The following MARCHF1 variants were observed in gnomAD, a reference collection of about 807,000 sequenced individuals.
MARCHF1 encodes the protein membrane associated ring-CH-type finger 1, also known as E3 ubiquitin-protein ligase MARCHF1.
Under a neutral mutation model 54.2 loss-of-function variants are expected in MARCHF1, and 40 were observed. That is an observed-to-expected ratio of 0.74 (90% CI 0.57 to 0.96). MARCHF1 has a LOEUF of 0.96. MARCHF1 is among the 40% of genes least tolerant of loss of function. The pLI is 0.00. For missense variants in MARCHF1, 586 were observed against 656.5 expected (o/e 0.89, Z 1.17); for synonymous variants, 236 against 236.3 (o/e 1.00, Z 0.01).
chr4:164,094,229 C>A (rs995826536), intron 2 of MARCHF1, among the ~76,000 whole-genome samples: 3 of 152,068 alleles, frequency 2.0e-5, no homozygotes, highest in Non-Finnish European at 4.4e-5. Flanking sequence ...AAACTCTAAT[C>A]CTCTCTCAGT....
intron 4 of MARCHF1, among the ~76,000 whole-genome samples, chr4:163,844,190 C>T (rs1749422510): frequency 6.6e-6 from 1 of 152,050 alleles, no homozygotes; most frequent in Admixed American, 6.6e-5. Context: ...GTGTTCTCAT[C>T]ATTCAGCTCC....
intron 3 of MARCHF1, among the ~76,000 whole-genome samples, chr4:163,954,065 G>T (rs1249429655): frequency 6.6e-6 from 1 of 152,110 alleles, no homozygotes; most frequent in Non-Finnish European, 1.5e-5. Context: ...CTTAACAATA[G>T]GTTGTGTACA....
At chr4:163,695,716 G>A (rs1402135304) in intron 5 of MARCHF1, among the ~76,000 whole-genome samples, 1 of 152,090 alleles carries the variant, frequency 6.6e-6, no homozygotes. Context: ...CTGTTGACTT[G>A]AATTGGAAGT....
At chr4:163,763,748 C>T (rs73870033) in intron 4 of MARCHF1, among the ~76,000 whole-genome samples, 4,364 of 152,150 alleles carry the variant, frequency 0.029, 136 homozygotes, top group African/African-American at 0.075. Flanking sequence ...ACTCTGATAG[C>T]TCTGCTTTCA....
intron 1 of MARCHF1, among the ~76,000 whole-genome samples, chr4:164,241,725 CT>C (rs1024769023): frequency 1.3e-5 from 2 of 152,204 alleles, no homozygotes; most frequent in African/African-American, 4.8e-5. Flanking sequence ...CCGGGTTCAT[CT>C]CCCTAGGGAG....
In MARCHF1 at chr4:163,828,014, T is replaced by TACACACAC. The variant is rs748460236; in HGVS notation, c.111+25999_111+26006dup. Among the ~76,000 whole-genome samples the TACACACAC allele has an allele frequency of 2.0e-3, 246 of 124,558 alleles. 3 individuals are homozygous for TACACACAC. The highest frequency in any genetic ancestry group is 0.014 in the East Asian group (48 of 3,422). The allele number at this position is 124,558 out of a possible 152,430, so 81.7% of individuals were successfully genotyped here. On this transcript the variant is annotated intron_variant, in intron 4 of 9. Coordinates refer to ENST00000514618, the MANE Select transcript of MARCHF1 (RefSeq NM_001394959.1). ...CTCCCTCCAAAAGTGTGCGCAGGCATACACACACACACACACACACACACA... is the reference window on the plus strand; with the variant it reads ...CTCCCTCCAAAAGTGTGCGCAGGCATACACACACACACACACACACACACACACACACA...
intron 3 of MARCHF1, among the ~76,000 whole-genome samples, chr4:163,957,906 T>C (rs1752262470): frequency 6.6e-6 from 1 of 152,066 alleles, no homozygotes; most frequent in Non-Finnish European, 1.5e-5. Context: ...AATTCATGTT[T>C]CTCTAAAGTT....
chr4:164,018,568 C>T (rs1753595182), intron 2 of MARCHF1, among the ~76,000 whole-genome samples: 1 of 151,848 alleles, frequency 6.6e-6, no homozygotes, highest in South Asian at 2.1e-4. Flanking sequence ...GATAAATAAG[C>T]ATATCGAAAA....
intron 2 of MARCHF1, among the ~76,000 whole-genome samples, chr4:164,007,117 C>T (rs1277690208): frequency 2.7e-5 from 4 of 146,100 alleles, no homozygotes; most frequent in South Asian, 2.2e-4. Flanking sequence ...GAGGCCGAGG[C>T]AGGCGGATCA....
chr4:164,061,477 G>A (rs1754613270), intron 2 of MARCHF1, among the ~76,000 whole-genome samples: 1 of 131,688 alleles, frequency 7.6e-6, no homozygotes, highest in Non-Finnish European at 1.5e-5. Context: ...ACATTATACT[G>A]TAATGAGAAC....
chr4:164,187,025 T>TA (rs1331493725), intron 1 of MARCHF1, among the ~76,000 whole-genome samples: 3 of 106,154 alleles, frequency 2.8e-5, no homozygotes, highest in Non-Finnish European at 6.4e-5. Flanking sequence ...GCTGAAGCAA[T>TA]CTTTTTTTTT....
intron 4 of MARCHF1, among the ~76,000 whole-genome samples, chr4:163,846,455 A>G (rs141818731): frequency 2.0e-5 from 3 of 152,066 alleles, no homozygotes; most frequent in Non-Finnish European, 4.4e-5. Flanking sequence ...TTAACCTTGT[A>G]ATAGACTAAA....
At chr4:163,630,368 T>C (rs181392620) in intron 5 of MARCHF1, among the ~76,000 whole-genome samples, 2 of 152,254 alleles carry the variant, frequency 1.3e-5, no homozygotes, top group Non-Finnish European at 1.5e-5. Flanking sequence ...ATTTATGAAA[T>C]TCAAACAATC....
chr4:163,851,117 C>A (rs1749630613), intron 4 of MARCHF1, among the ~76,000 whole-genome samples: 1 of 152,066 alleles, frequency 6.6e-6, no homozygotes, highest in Non-Finnish European at 1.5e-5. Flanking sequence ...AACTCTAGGT[C>A]CCATTATCTT....
chr4:163,784,461 A>G (rs988587806), intron 4 of MARCHF1, among the ~76,000 whole-genome samples: 1 of 152,114 alleles, frequency 6.6e-6, no homozygotes, highest in African/African-American at 2.4e-5. Context: ...TTGACTGGTA[A>G]GTAGATGAAT....
chr4:164,268,102 G>A (rs1446768565), intron 1 of MARCHF1, among the ~76,000 whole-genome samples: 2 of 152,242 alleles, frequency 1.3e-5, no homozygotes, highest in East Asian at 3.9e-4. Flanking sequence ...CACAAAATGG[G>A]GGTAGCAGCA....
rs565226160 is a variant in MARCHF1 at position 163,790,791 on chromosome 4, G to C, written c.111+63230C>G. On this transcript the variant is annotated intron_variant, in intron 4 of 9. Transcript: ENST00000514618. ...TGAGAAGTACGGGAACAAAAACATG[G>C]AGCTACATGCCCAGCAGTGGCATGA... is the stretch of plus-strand genomic sequence containing the variant. Among the ~76,000 whole-genome samples the C allele has an allele frequency of 3.3e-5, 5 of 152,132 alleles. No homozygotes were observed. The South Asian group carries it at 1.0e-3, about 32-fold the overall frequency.
At chr4:163,796,773 T>G (rs567140555) in intron 4 of MARCHF1, among the ~76,000 whole-genome samples, 1 of 152,272 alleles carries the variant, frequency 6.6e-6, no homozygotes, top group African/African-American at 2.4e-5. Flanking sequence ...AGGCTTATTT[T>G]TAGTAATTAT....
intron 3 of MARCHF1, among the ~76,000 whole-genome samples, chr4:163,893,282 G>A (rs1462022703): frequency 6.6e-6 from 1 of 152,014 alleles, no homozygotes; most frequent in East Asian, 1.9e-4. Flanking sequence ...GGGATTACAG[G>A]CACCTGCCAC....
Sources: gnomAD v4.1 joint callset for allele counts (sites outside exome capture counted in the v4.1 genomes callset) on GRCh38, gnomAD v4.1.1 for gene constraint, MANE v1.5 for transcripts, NCBI Gene and HGNC (gene_info 2026-07-23, HGNC 2026-07-21) for gene names.